The following CCKBR variants were observed in gnomAD, a reference collection of about 807,000 sequenced individuals.
The protein encoded by CCKBR is cholecystokinin B receptor, also known as gastrin/cholecystokinin type B receptor.
CCKBR carries 33 observed loss-of-function variants against 34.6 expected under a neutral mutation model. The observed-to-expected ratio is 0.95, with a 90% CI of 0.72 to 1.27. The LOEUF (loss-of-function observed/expected upper bound fraction) is 1.27. Ranked by LOEUF, CCKBR falls within the 50% of genes most tolerant of loss-of-function variation. The pLI is 0.00. For synonymous variants in CCKBR, 269 were observed against 267.5 expected (o/e 1.01, Z -0.06); for missense variants, 652 against 617.4 (o/e 1.06, Z -0.59).
At position 6,270,655 on chromosome 11, in the gene CCKBR, G is replaced by A; in HGVS notation, c.663G>A (p.Leu221=). Residue 221 remains leucine, a synonymous_variant, in exon 4 of 5, where the codon CTG becomes CTA. Transcript: ENST00000334619. ...TCTGTGTTGCCTTCAGGTCCGTACT[G>A]CTGCTTCTGCTCTTGTTCTTCATCC... ...SARVRQTWSV[L]LLLLLFFIPG... 1.2e-6 allele frequency: 2 copies of A among 1,608,402 alleles called. No homozygotes were observed. Among genetic ancestry groups the A allele is most frequent in the East Asian group, 2.2e-5 (1 of 44,740 alleles).
rs748729612 is a variant in CCKBR, at chr11:6,271,210, G to A, written c.1011G>A (p.Val337=). Reference sequence around the variant, plus strand: ...AGCGCGTGGTGCGAATGTTGCTGGTGATCGTTGTGCTTTTTTTTCTGTGTT... The same window carrying A: ...AGCGCGTGGTGCGAATGTTGCTGGTAATCGTTGTGCTTTTTTTTCTGTGTT... ...AKKRVVRMLL[V]IVVLFFLCWL... is the part of the protein sequence containing the mutation. The change falls in exon 5 of 5, where the codon GTG becomes GTA. Residue 337 remains valine, a synonymous_variant. Transcript: ENST00000334619. 3 of 1,614,220 alleles carry A rather than the reference G, an allele frequency of 1.9e-6. No individual in the cohort carries two copies. Among genetic ancestry groups the A allele is most frequent in the Non-Finnish European group, 1.7e-6 (2 of 1,180,044 alleles).
At chr11:6,261,495 A>G (rs1206966654) in intron 1 of CCKBR, among the ~76,000 whole-genome samples, 1 of 148,226 alleles carries the variant, frequency 6.7e-6, no homozygotes, top group Middle Eastern at 3.2e-3. Flanking sequence ...ACACACACAC[A>G]CACATATACA....
intron 1 of CCKBR, among the ~76,000 whole-genome samples, chr11:6,266,503 A>AAAAC (rs60130505): frequency 0.17 from 26,523 of 151,678 alleles, 2,424 homozygotes; most frequent in Middle Eastern, 0.32. Flanking sequence ...AACAAAAACA[A>AAAAC]AAACAAACAA....
rs1848319157 is a variant in CCKBR, at chr11:6,271,609, A to G, written c.*66A>G. 7.0e-7 allele frequency: 1 copy of G among 1,431,682 alleles called. No individual in the cohort carries two copies. Among genetic ancestry groups the G allele is most frequent in the Non-Finnish European group, 9.3e-7 (1 of 1,073,860 alleles). 88.7% of individuals were successfully genotyped at this position (1,431,682 alleles called of 1,614,324 possible). On this transcript the variant is annotated 3_prime_UTR_variant, in exon 5 of 5. Coordinates refer to ENST00000334619, the MANE Select transcript of CCKBR (RefSeq NM_176875.4). ...ATGCACTGACCCTTCCAGACATACG[A>G]AACACAAACCACAACTGACACAGGA...
Position 6,271,358 on chromosome 11 carries a change from C to A in CCKBR, c.1159C>A (p.Pro387Thr), listed in dbSNP as rs762933442. The change falls in exon 5 of 5, where the codon CCC becomes ACC. Residue 387 changes from proline (P) to threonine (T), a missense_variant. By Grantham distance (38) the Pro-to-Thr change is conservative. Transcript: ENST00000334619. Reference sequence around the variant, plus strand: ...GAGCTACGCCTCGGCCTGTGTCAACCCCCTGGTCTACTGCTTCATGCACCG... The same window carrying A: ...GAGCTACGCCTCGGCCTGTGTCAACACCCTGGTCTACTGCTTCATGCACCG... ...LLSYASACVN[P>T]LVYCFMHRRF... 3.7e-6 allele frequency: 6 copies of A among 1,614,176 alleles called. No individual in the cohort carries two copies. Among genetic ancestry groups the A allele is most frequent in the Non-Finnish European group, 5.1e-6 (6 of 1,180,018 alleles).
Position 6,271,760 on chromosome 11 carries a change from G to A in CCKBR, c.*217G>A. 1.9e-6 allele frequency: 1 copy of A among 531,838 alleles called. No individual in the cohort carries two copies. Among genetic ancestry groups the A allele is most frequent in the Non-Finnish European group, 3.3e-6 (1 of 304,392 alleles). 32.9% of individuals were successfully genotyped at this position (531,838 alleles called of 1,614,324 possible). On this transcript the variant is annotated 3_prime_UTR_variant, in exon 5 of 5. Transcript: ENST00000334619. ...TGCCTCTGATATGGGACTGAGCCTG[G>A]CCCATAGAAACATGACACTGACCTT...
rs949915166 is a variant in CCKBR, at chr11:6,269,573, G to C, written c.152-96G>C. 30 of 1,411,660 alleles carry C rather than the reference G, an allele frequency of 2.1e-5. No individual in the cohort carries two copies. The African/African-American group carries it at 3.9e-4, about 18-fold the overall frequency. The allele number at this position is 1,411,660 out of a possible 1,614,324, so 87.4% of individuals were successfully genotyped here. A position where few individuals can be genotyped will look rare whatever the true frequency, so the allele number is the denominator to read the frequency against. ...TCATCGGTGGGGAATGTAGGCATCT[G>C]GCTGGGTAGTGAGGGTTGGGGATAA... On this transcript the variant is annotated intron_variant, in intron 1 of 4. Coordinates refer to ENST00000334619, the MANE Select transcript of CCKBR (RefSeq NM_176875.4).
chr11:6,261,205 A>T (rs549218549), intron 1 of CCKBR, among the ~76,000 whole-genome samples: 58 of 152,154 alleles, frequency 3.8e-4, no homozygotes, highest in African/African-American at 1.4e-3. Flanking sequence ...TAAGTTGAAC[A>T]AAACCGACAC....
chr11:6,261,930 AT>A (rs1186587497), intron 1 of CCKBR, among the ~76,000 whole-genome samples: 9 of 152,186 alleles, frequency 5.9e-5, no homozygotes, highest in African/African-American at 2.2e-4. Flanking sequence ...AGAGAGGTGG[AT>A]AGATTTGAGA....
chr11:6,260,076 C>A lies in CCKBR; in HGVS notation c.148C>A (p.Arg50=). ...EPPRIRGAGT[R]ELELAIRITL... ...CCCTCGCATTCGCGGAGCCGGGACA[C>A]GAGGTGGGTGCCTCCCTCAGCCCCC... The change falls in exon 1 of 5, where the codon CGA becomes AGA. Residue 50 remains arginine (R), a synonymous_variant. Coordinates refer to ENST00000334619, the MANE Select transcript of CCKBR (RefSeq NM_176875.4). The A allele has an allele frequency of 6.3e-7, 1 of 1,591,522 alleles. No individual in the cohort carries two copies.
chr11:6,271,189 C>T lies in CCKBR; in HGVS notation c.990C>T (p.Arg330=), dbSNP rs769083241. ...AGGCCAAGCTGCTGGCTAAGAAGCG[C>T]GTGGTGCGAATGTTGCTGGTGATCG... The part of the protein sequence containing the change: ...PTQAKLLAKK[R]VVRMLLVIVV... The change falls in exon 5 of 5, where the codon CGC becomes CGT. Residue 330 remains arginine, a synonymous_variant. Transcript: ENST00000334619. 2.5e-6 allele frequency: 4 copies of T among 1,614,168 alleles called. No individual in the cohort carries two copies. Among genetic ancestry groups the T allele is most frequent in the African/African-American group, 1.3e-5 (1 of 75,056 alleles).
rs75702171 is a variant in CCKBR at position 6,271,563 on chromosome 11, G to A, written c.*20G>A. 1 of 1,555,380 alleles carries A rather than the reference G, an allele frequency of 6.4e-7. No individual in the cohort carries two copies. On this transcript the variant is annotated 3_prime_UTR_variant, in exon 5 of 5. Transcript: ENST00000334619. ...GGCTGAGGAGTAGAGGGGCCGTGGG[G>A]GTTGAGGCAGGGCAAATGACATGCA...
chr11:6,262,888 G>A (rs2133895749), intron 1 of CCKBR, among the ~76,000 whole-genome samples: 1 of 152,254 alleles, frequency 6.6e-6, no homozygotes, highest in South Asian at 2.1e-4. Flanking sequence ...AAGATTGAAG[G>A]TGCAGATAAG....
intron 1 of CCKBR, among the ~76,000 whole-genome samples, chr11:6,266,587 A>C (rs1021818824): frequency 1.2e-4 from 19 of 152,318 alleles, no homozygotes; most frequent in South Asian, 1.2e-3. Context: ...GGCAAAGCAC[A>C]TTAGGGATCA....
Position 6,271,443 on chromosome 11 carries a change from C to T in CCKBR, c.1244C>T (p.Ala415Val). The T allele has an allele frequency of 1.9e-6, 3 of 1,613,548 alleles. No individual in the cohort carries two copies. Among genetic ancestry groups the T allele is most frequent in the East Asian group, 4.5e-5 (2 of 44,876 alleles). Residue 415 changes from alanine to valine, a missense_variant, in exon 5 of 5, where the codon GCT becomes GTT. Physicochemically the swap from Ala to Val is moderately conservative, Grantham distance 64. Transcript: ENST00000334619. Reference sequence around the variant, plus strand: ...CGCTGCTGCCCCCGGCCTCCACGAGCTCGCCCCAGGGCTCTTCCCGATGAG... The same window carrying T: ...CGCTGCTGCCCCCGGCCTCCACGAGTTCGCCCCAGGGCTCTTCCCGATGAG... Reference protein sequence around the residue: ...CARCCPRPPRARPRALPDEDP... With the variant: ...CARCCPRPPRVRPRALPDEDP...
At chr11:6,260,247 G>A (rs973477528) in intron 1 of CCKBR, among the ~76,000 whole-genome samples, 168 bp downstream of exon 1, 2 of 148,054 alleles carry the variant, frequency 1.4e-5, no homozygotes, top group African/African-American at 5.0e-5. Context: ...CACCCCCACA[G>A]CCTACAACTT....
In CCKBR at chr11:6,270,219, T is replaced by C. The variant is rs774859017; in HGVS notation, c.535T>C (p.Trp179Arg). Residue 179 changes from tryptophan (W) to arginine (R), a missense_variant, in exon 3 of 5, where the codon TGG becomes CGG. By Grantham distance (101) the Trp-to-Arg change is moderately radical. Transcript: ENST00000334619. ...CGCGGCTCGCGTGATTGTAGCCACG[T>C]GGCTGCTGTCCGGACTACTCATGGT... ...SHAARVIVAT[W>R]LLSGLLMVPY... The C allele has an allele frequency of 1.9e-6, 3 of 1,613,388 alleles. No individual in the cohort carries two copies. The highest frequency in any genetic ancestry group is 3.3e-5 in the Admixed American group (2 of 60,020).
intron 1 of CCKBR, among the ~76,000 whole-genome samples, chr11:6,260,422 C>A (rs913368372): frequency 6.6e-6 from 1 of 152,150 alleles, no homozygotes; most frequent in African/African-American, 2.4e-5. Context: ...CTGCAGATCT[C>A]CTTTTCCCTC....
At chr11:6,269,347 A>T (rs1848256410) in intron 1 of CCKBR, among the ~76,000 whole-genome samples, 1 of 151,988 alleles carries the variant, frequency 6.6e-6, no homozygotes, top group Admixed American at 6.5e-5. Flanking sequence ...GGCACAGAAT[A>T]TTGTATTGTA....
Sources: gnomAD v4.1 joint callset for allele counts (sites outside exome capture counted in the v4.1 genomes callset) on GRCh38, gnomAD v4.1.1 for gene constraint, MANE v1.5 for transcripts, NCBI Gene and HGNC (gene_info 2026-07-23, HGNC 2026-07-21) for gene names.